RANBP2: variants seen among roughly 807,000 people sequenced by gnomAD.
The protein encoded by RANBP2 is E3 SUMO-protein ligase RanBP2.
In RANBP2, 57 loss-of-function variants were observed where a neutral mutation model predicts 303.6. That is an observed-to-expected ratio of 0.19 (90% CI 0.15 to 0.23). The LOEUF (loss-of-function observed/expected upper bound fraction) is 0.23, where lower values mean the gene tolerates loss of function less well. Among genes scored for constraint, RANBP2 ranks in the 10% least tolerant of loss-of-function variants. The pLI, the probability that RANBP2 is intolerant of heterozygous loss-of-function variation, is 1.00. For missense variants in RANBP2, 3,138 were observed against 3,780.8 expected, an observed-to-expected ratio of 0.83 and a Z score of 4.46; for synonymous variants, 1,167 against 1,301.5, an observed-to-expected ratio of 0.90 and a Z score of 2.23.
the RANBP2 span, among the ~76,000 whole-genome samples, chr2:109,682,873 G>A: frequency 3.3e-5 from 5 of 152,108 alleles, no homozygotes; most frequent in South Asian, 2.1e-4. Context: ...AGCACTGTCC[G>A]CTCCCTGGCC....
intron 9 of RANBP2, 150 bp from the exon 10 acceptor site, chr2:108,751,114 T>C (rs1241566196): frequency 7.4e-7 from 1 of 1,346,620 alleles, no homozygotes; most frequent in East Asian, 2.5e-5. Flanking sequence ...GAACATGAGA[T>C]TTTGCCTAAC....
the RANBP2 span, among the ~76,000 whole-genome samples, chr2:108,927,619 C>A: frequency 2.6e-5 from 4 of 152,270 alleles, no homozygotes; most frequent in East Asian, 7.7e-4. Context: ...CCTCTCCCTG[C>A]AGTAGGAATT....
the RANBP2 span, among the ~76,000 whole-genome samples, chr2:109,168,953 G>A: frequency 1.3e-5 from 2 of 152,196 alleles, no homozygotes; most frequent in African/African-American, 4.8e-5. Context: ...CGAGGGCTCA[G>A]TACACATTGA....
chr2:108,815,727 A>C, the RANBP2 span, among the ~76,000 whole-genome samples: 1 of 152,006 alleles, frequency 6.6e-6, no homozygotes, highest in Admixed American at 6.6e-5. Flanking sequence ...CAGCCTCCCA[A>C]AGTGGTGGGA....
chr2:109,461,197 G>C, the RANBP2 span, among the ~76,000 whole-genome samples: 1 of 152,236 alleles, frequency 6.6e-6, no homozygotes, highest in Non-Finnish European at 1.5e-5. Context: ...TGCACGCCCA[G>C]CTTTATGCTT....
At chr2:108,859,480 A>G in the RANBP2 span, among the ~76,000 whole-genome samples, 2 of 152,158 alleles carry the variant, frequency 1.3e-5, no homozygotes, top group Non-Finnish European at 1.5e-5. Flanking sequence ...GCCTAGGCCA[A>G]TGTCCAGAAG....
chr2:109,585,061 G>A, the RANBP2 span: 1 of 885,888 alleles, frequency 1.1e-6, no homozygotes, highest in East Asian at 2.7e-5. Flanking sequence ...CATAGTTCAT[G>A]GGGCTATAAG....
downstream of RANBP2, chr2:108,786,969 C>A: frequency 1.6e-6 from 2 of 1,259,026 alleles, no homozygotes; most frequent in Non-Finnish European, 2.1e-6. Flanking sequence ...GGGGGCGGCC[C>A]GCTCCGTGCC....
At chr2:108,742,357 G>T (rs1191992542) in intron 7 of RANBP2, among the ~76,000 whole-genome samples, 1 of 152,000 alleles carries the variant, frequency 6.6e-6, no homozygotes, top group Non-Finnish European at 1.5e-5. Flanking sequence ...AGGCTGGAGT[G>T]CAGTGGCGCA....
chr2:108,780,616 G>GC (rs1282773752), intron 25 of RANBP2, among the ~76,000 whole-genome samples: 4 of 150,868 alleles, frequency 2.7e-5, no homozygotes, highest in Middle Eastern at 3.4e-3. Flanking sequence ...TGCAACTTCT[G>GC]CCCCCCAGGT....
At chr2:108,912,073 C>G in the RANBP2 span, among the ~76,000 whole-genome samples, 1 of 152,226 alleles carries the variant, frequency 6.6e-6, no homozygotes, top group African/African-American at 2.4e-5. Context: ...AGAGATGAAG[C>G]TGACGAGCTG....
At chr2:109,297,855 C>T in the RANBP2 span, among the ~76,000 whole-genome samples, 7 of 152,096 alleles carry the variant, frequency 4.6e-5, no homozygotes, top group African/African-American at 7.2e-5. Flanking sequence ...TGGGCCAGTT[C>T]GCCCCACCCA....
chr2:109,534,919 G>C, the RANBP2 span, among the ~76,000 whole-genome samples: 1 of 152,074 alleles, frequency 6.6e-6, no homozygotes, highest in Non-Finnish European at 1.5e-5. Flanking sequence ...CCCTGAGAAG[G>C]CCCCCTCCCC....
At chr2:109,060,660 G>C in the RANBP2 span, among the ~76,000 whole-genome samples, 1 of 152,148 alleles carries the variant, frequency 6.6e-6, no homozygotes, top group African/African-American at 2.4e-5. Context: ...GCTCTCCCGA[G>C]GCAGCTTCAC....
the RANBP2 span, among the ~76,000 whole-genome samples, chr2:108,903,633 A>G: frequency 3.9e-5 from 6 of 152,314 alleles, no homozygotes; most frequent in South Asian, 1.2e-3. Context: ...AAGTTTGAAA[A>G]GCAATTCAAT....
the RANBP2 span, among the ~76,000 whole-genome samples, chr2:109,643,534 C>G: frequency 1.6e-3 from 249 of 152,140 alleles, 1 homozygote; most frequent in Non-Finnish European, 3.0e-3. Context: ...CCAAGGCTGG[C>G]AGATCACCTG....
the RANBP2 span, among the ~76,000 whole-genome samples, chr2:109,573,417 C>A: frequency 6.6e-6 from 1 of 152,288 alleles, no homozygotes; most frequent in East Asian, 1.9e-4. Context: ...TATAATCAGA[C>A]TCAACTATGA....
chr2:109,399,611 CCAAT>C, the RANBP2 span, among the ~76,000 whole-genome samples: 8 of 152,026 alleles, frequency 5.3e-5, no homozygotes, highest in Non-Finnish European at 8.8e-5. Context: ...CTACAAGCAA[CCAAT>C]CAGTCAATCA....
the RANBP2 span, among the ~76,000 whole-genome samples, chr2:109,262,894 A>G: frequency 1.3e-5 from 2 of 152,022 alleles, no homozygotes; most frequent in East Asian, 1.9e-4. Context: ...GTGCAGTGGC[A>G]TGATCTTGGC....
Sources: allele counts gnomAD v4.1 joint callset (sites outside exome capture counted in the v4.1 genomes callset), GRCh38; gene constraint gnomAD v4.1.1; transcripts MANE v1.5; gene names NCBI Gene and HGNC (gene_info 2026-07-23, HGNC 2026-07-21).